KIF5C: variants seen among roughly 807,000 people sequenced by gnomAD.
The protein encoded by KIF5C is kinesin heavy chain isoform 5C.
Under a neutral mutation model 125.2 loss-of-function variants are expected in KIF5C, and 18 were observed. That is an observed-to-expected ratio of 0.14 (90% CI 0.10 to 0.21). The LOEUF is 0.21. Among genes scored for constraint, KIF5C ranks in the 10% least tolerant of loss-of-function variants. The pLI, the probability that KIF5C is intolerant of heterozygous loss-of-function variation, is 1.00. For synonymous variants in KIF5C, 405 were observed against 434.0 expected (o/e 0.93, Z 0.83); for missense variants, 780 against 1,183.8 (o/e 0.66, Z 5.01).
intron 10 of KIF5C, among the ~76,000 whole-genome samples, chr2:148,957,133 C>G (rs970432401): frequency 6.6e-6 from 1 of 152,198 alleles, no homozygotes; most frequent in East Asian, 1.9e-4. Context: ...GATTTTGTGT[C>G]TCCCTGTAAG....
intron 8 of KIF5C, 54 bp downstream of exon 8, chr2:148,947,077 T>C: frequency 6.5e-7 from 1 of 1,550,088 alleles, no homozygotes; most frequent in Non-Finnish European, 8.7e-7. Flanking sequence ...ATTTGCTTCA[T>C]TGTGCAATGG....
At chr2:148,910,576 G>A (rs981714188) in intron 1 of KIF5C, among the ~76,000 whole-genome samples, 5 of 152,182 alleles carry the variant, frequency 3.3e-5, no homozygotes, top group Non-Finnish European at 7.3e-5. Context: ...CAGATAACAC[G>A]GTCAAATCAT....
Position 148,965,330 on chromosome 2 carries a change from G to C in KIF5C, c.1117+3211G>C, listed in dbSNP as rs904731050. On this transcript the variant is annotated intron_variant, in intron 11 of 25. Transcript: ENST00000435030. The stretch of plus-strand genomic sequence containing the variant: ...GACTACAGAGAAAGAAGAGAAGACA[G>C]AGAGAGTCTGAGAGGCCCCCAGCAA... Among the ~76,000 whole-genome samples the C allele has an allele frequency of 2.0e-5, 3 of 152,116 alleles. No individual in the cohort carries two copies. The East Asian group carries it at 5.8e-4, about 29-fold the overall frequency.
chr2:149,007,910 C>T lies in KIF5C; in HGVS notation c.2446-53C>T, dbSNP rs533070962. The T allele has an allele frequency of 8.4e-5, 82 of 972,074 alleles. No individual in the cohort carries two copies. The East Asian group carries it at 9.1e-4, about 11-fold the overall frequency. The allele number at this position is 972,074 out of a possible 1,614,324, so 60.2% of individuals were successfully genotyped here. A position where few individuals can be genotyped will look rare whatever the true frequency, so the allele number is the denominator to read the frequency against. On this transcript the variant is annotated intron_variant, in intron 22 of 25. Coordinates refer to ENST00000435030, the MANE Select transcript of KIF5C (RefSeq NM_004522.3). ...TTTTTCCATCCACATTATCCTGGGG[C>T]GGAGGGTGGGTGGGTGACAGCCTGT...
At chr2:148,980,414 A>G (rs1681198739) in intron 13 of KIF5C, among the ~76,000 whole-genome samples, 1 of 152,162 alleles carries the variant, frequency 6.6e-6, no homozygotes. Context: ...TCTGTTCAAT[A>G]TAGGAAAATC....
chr2:148,961,914 T>C (rs1200934799), intron 10 of KIF5C, 57 bp from the exon 11 acceptor site: 11 of 1,558,846 alleles, frequency 7.1e-6, no homozygotes, highest in East Asian at 4.5e-5. Context: ...CTTAATCATA[T>C]TGGTTTAGCT....
chr2:149,007,737 G>GT lies in KIF5C; in HGVS notation c.2446-214dup, dbSNP rs200712371. Among the ~76,000 whole-genome samples, 1,098 of 146,012 alleles carry GT rather than the reference G, an allele frequency of 7.5e-3. 8 individuals are homozygous for GT. Among genetic ancestry groups the GT allele is most frequent in the African/African-American group, 0.019 (765 of 40,164 alleles). ...AACTTTCAAAAGCAGATTTGAAGGA[G>GT]TTTTTTTTTTTTAGCTCTCTAAAAA... On this transcript the variant is annotated intron_variant, in intron 22 of 25. Transcript: ENST00000435030.
intron 1 of KIF5C, among the ~76,000 whole-genome samples, chr2:148,895,257 C>T (rs551499655): frequency 6.6e-6 from 1 of 152,206 alleles, no homozygotes; most frequent in South Asian, 2.1e-4. Flanking sequence ...CATGCCTCAG[C>T]CCCCTGAGTA....
intron 11 of KIF5C, among the ~76,000 whole-genome samples, chr2:148,968,956 T>C (rs1261886159): frequency 6.6e-6 from 1 of 152,190 alleles, no homozygotes; most frequent in African/African-American, 2.4e-5. Flanking sequence ...CTGTGGTTCC[T>C]GGCGGAAGCT....
At chr2:148,922,113 C>A in intron 1 of KIF5C, 24 bp from the exon 2 acceptor site, 1 of 1,528,130 alleles carries the variant, frequency 6.5e-7, no homozygotes, top group Non-Finnish European at 9.0e-7. Flanking sequence ...CCACCTTTTT[C>A]TTCCCTTTGT....
chr2:148,909,229 C>G (rs913511867), intron 1 of KIF5C, among the ~76,000 whole-genome samples: 1 of 152,230 alleles, frequency 6.6e-6, no homozygotes, highest in Non-Finnish European at 1.5e-5. Context: ...CATCAGCCCA[C>G]TTTCCAGCAG....
At chr2:148,978,334 G>GTTTTTTTTTT (rs71406035) in intron 12 of KIF5C, among the ~76,000 whole-genome samples, 1 of 78,636 alleles carries the variant, frequency 1.3e-5, no homozygotes, top group Non-Finnish European at 2.3e-5. Flanking sequence ...CTGCCCTGAG[G>GTTTTTTTTTT]TTTTTTTTTT....
chr2:149,005,267 G>A, intron 21 of KIF5C, 126 bp from the exon 22 acceptor site: 1 of 1,461,906 alleles, frequency 6.8e-7, no homozygotes, highest in Non-Finnish European at 9.2e-7. Context: ...GGGTGTCACA[G>A]GGAAGGGGGT....
rs1425337556 is a variant in KIF5C at position 148,913,316 on chromosome 2, A to G, written c.127-8821A>G. ...TCAAAGTTTTGCCTTCCACATGGCC[A>G]TGGGAAGTTATTCTCCATTCCCAGA... On this transcript the variant is annotated intron_variant, in intron 1 of 25. Transcript: ENST00000435030. Among the ~76,000 whole-genome samples, 4 of 152,180 alleles carry G rather than the reference A, an allele frequency of 2.6e-5. No individual in the cohort carries two copies. The East Asian group carries it at 7.7e-4, about 29-fold the overall frequency.
In KIF5C at chr2:148,961,419, T is replaced by G. The variant is rs554234900; in HGVS notation, c.969-552T>G. ...GTGATAAATACATCAGGGGTGGTTT[T>G]GGGTACCACAGGTGAGGAAGAGAAA... On this transcript the variant is annotated intron_variant, in intron 10 of 25. Coordinates refer to ENST00000435030, the MANE Select transcript of KIF5C (RefSeq NM_004522.3). 2.0e-5 allele frequency among the ~76,000 whole-genome samples: 3 copies of G among 152,140 alleles called. No individual in the cohort carries two copies. The South Asian group carries it at 6.2e-4, about 32-fold the overall frequency.
chr2:148,990,925 G>A, intron 15 of KIF5C, 85 bp from the exon 16 acceptor site: 4 of 1,487,232 alleles, frequency 2.7e-6, no homozygotes, highest in Non-Finnish European at 3.6e-6. Context: ...TGGACACCTT[G>A]GGGATCCAGG....
At chr2:148,962,988 C>T (rs1336865742) in intron 11 of KIF5C, among the ~76,000 whole-genome samples, 1 of 152,102 alleles carries the variant, frequency 6.6e-6, no homozygotes, top group East Asian at 1.9e-4. Flanking sequence ...TTTCCTTCTT[C>T]CCCAAAACAT....
intron 21 of KIF5C, among the ~76,000 whole-genome samples, chr2:149,004,657 T>A (rs1248249472): frequency 6.6e-6 from 1 of 152,244 alleles, no homozygotes; most frequent in Non-Finnish European, 1.5e-5. Flanking sequence ...GCTTTTATGT[T>A]ATGAAATATG....
intron 1 of KIF5C, among the ~76,000 whole-genome samples, chr2:148,904,310 G>A (rs1049579348): frequency 1.3e-5 from 2 of 152,178 alleles, no homozygotes; most frequent in Admixed American, 6.5e-5. Flanking sequence ...GGCATCAGAC[G>A]ATCTGCAAAT....
Sources: gnomAD v4.1 joint callset for allele counts (sites outside exome capture counted in the v4.1 genomes callset) on GRCh38, gnomAD v4.1.1 for gene constraint, MANE v1.5 for transcripts, NCBI Gene and HGNC (gene_info 2026-07-23, HGNC 2026-07-21) for gene names.